Variants in HSPA4 observed in about 807,000 individuals in gnomAD.
The protein encoded by HSPA4 is heat shock protein family A (Hsp70) member 4.
In HSPA4, 25 loss-of-function variants were observed where a neutral mutation model predicts 106.2. The ratio of observed to expected loss-of-function variants is 0.24; its 90% CI spans 0.17 to 0.33. HSPA4 has a LOEUF of 0.33. HSPA4 is among the 10% of genes least tolerant of loss of function. The probability of loss-of-function intolerance (pLI) is 1.00; values close to 1 mark genes in which losing one functional copy is unlikely to be tolerated. For missense variants in HSPA4, 841 were observed against 996.0 expected (o/e 0.84, Z 2.10); for synonymous variants, 332 against 333.6 (o/e 1.00, Z 0.05).
chr5:133,062,496 A>G (rs1045368577), intron 1 of HSPA4, among the ~76,000 whole-genome samples: 16 of 152,118 alleles, frequency 1.1e-4, no homozygotes, highest in African/African-American at 3.9e-4. Flanking sequence ...AGTGGGTAAG[A>G]TTGCCTTGGG....
intron 17 of HSPA4, 43 bp downstream of exon 17, chr5:133,101,921 C>CTTT (rs60177569): frequency 2.0e-3 from 1,432 of 717,454 alleles, no homozygotes; most frequent in Admixed American, 2.5e-3. Context: ...GTAAAGTTAA[C>CTTT]TTTTTTTTTT....
chr5:133,103,991 G>A lies in HSPA4; in HGVS notation c.2284G>A (p.Val762Ile). ...QNKQSLTMDP[V>I]VKSKEIEAKI... ...CAAGCAGAGTTTGACCATGGATCCA[G>A]TTGTCAAGTCAAAAGAGATTGAAGC... Residue 762 changes from valine (V) to isoleucine (I), a missense_variant, in exon 18 of 19, where the codon GTT (valine) becomes ATT (isoleucine). This residue lies in a region of HSPA4 where 328 missense variants were observed against 372.2 expected (regional missense o/e 0.88). Coordinates refer to ENST00000304858, the MANE Select transcript of HSPA4 (RefSeq NM_002154.4). 1.2e-6 allele frequency: 2 copies of A among 1,613,600 alleles called. No homozygotes were observed. Among genetic ancestry groups the A allele is most frequent in the Non-Finnish European group, 1.7e-6 (2 of 1,179,896 alleles).
At chr5:133,060,840 G>C (rs1353716268) in intron 1 of HSPA4, among the ~76,000 whole-genome samples, 4 of 109,258 alleles carry the variant, frequency 3.7e-5, no homozygotes, top group Non-Finnish European at 6.9e-5. Flanking sequence ...TTTTTTTTGA[G>C]ACAAGGTCTC....
chr5:133,076,606 C>T (rs771432433), intron 6 of HSPA4, 48 bp from the exon 7 acceptor site: 99 of 1,551,266 alleles, frequency 6.4e-5, no homozygotes, highest in African/African-American at 1.8e-4. Flanking sequence ...TCATCTGTTT[C>T]AAAATCGATT....
At chr5:133,090,003 T>C (rs1231343873) in intron 11 of HSPA4, among the ~76,000 whole-genome samples, 1 of 152,240 alleles carries the variant, frequency 6.6e-6, no homozygotes, top group Non-Finnish European at 1.5e-5. Context: ...TGGCTGTTAT[T>C]TAATTGGATC....
chr5:133,104,454 A>G lies in HSPA4; in HGVS notation c.*18A>G. The stretch of plus-strand genomic sequence containing the variant: ...TTGATTGATTCCAACACTTGTTTCT[A>G]TTAAAACAGACTATTATAAAGCTTT... On this transcript the variant is annotated 3_prime_UTR_variant, in exon 19 of 19. Transcript: ENST00000304858. The G allele has an allele frequency of 6.2e-7, 1 of 1,602,702 alleles. No homozygotes were observed. The highest frequency in any genetic ancestry group is 1.1e-5 in the South Asian group (1 of 90,656).
intron 1 of HSPA4, among the ~76,000 whole-genome samples, chr5:133,055,755 A>G (rs1765152458): frequency 6.6e-6 from 1 of 152,158 alleles, no homozygotes; most frequent in South Asian, 2.1e-4. Context: ...GAATACAGTG[A>G]GAGTATAGAA....
intron 16 of HSPA4, 176 bp from the exon 17 acceptor site, chr5:133,101,583 G>A: frequency 1.7e-6 from 1 of 572,412 alleles, no homozygotes; most frequent in Non-Finnish European, 3.0e-6. Flanking sequence ...TCAGTGTTGA[G>A]GTATAGTTTC....
chr5:133,093,382 G>C (rs1765673626), intron 13 of HSPA4, among the ~76,000 whole-genome samples: 1 of 152,078 alleles, frequency 6.6e-6, no homozygotes, highest in African/African-American at 2.4e-5. Context: ...GCTAGTTTCT[G>C]AATGGCTTAT....
intron 1 of HSPA4, among the ~76,000 whole-genome samples, chr5:133,056,566 C>T (rs905567928): frequency 1.2e-4 from 18 of 152,190 alleles, no homozygotes; most frequent in Admixed American, 3.9e-4. Context: ...CCACCGCGCC[C>T]GGCCTGTAAA....
intron 16 of HSPA4, among the ~76,000 whole-genome samples, chr5:133,100,521 C>G (rs1199755964): frequency 6.6e-6 from 1 of 152,126 alleles, no homozygotes; most frequent in Non-Finnish European, 1.5e-5. Flanking sequence ...CTCAGCCTCC[C>G]AAGCGCGGTG....
chr5:133,087,722 A>G (rs1227639727), intron 8 of HSPA4, among the ~76,000 whole-genome samples: 1 of 152,044 alleles, frequency 6.6e-6, no homozygotes, highest in Non-Finnish European at 1.5e-5. Context: ...CTCCTGGGTT[A>G]AAGCAATTCT....
At chr5:133,054,550 G>A (rs1346567589) in intron 1 of HSPA4, among the ~76,000 whole-genome samples, 2 of 152,190 alleles carry the variant, frequency 1.3e-5, no homozygotes. Flanking sequence ...TTAACCAGAT[G>A]AAGTGATCGT....
chr5:133,077,140 A>G (rs887115978), intron 7 of HSPA4, among the ~76,000 whole-genome samples: 3 of 152,188 alleles, frequency 2.0e-5, no homozygotes, highest in Non-Finnish European at 4.4e-5. Context: ...TTCTTTACAT[A>G]TGCATTTGTT....
chr5:133,089,387 T>C (rs1172821696), intron 10 of HSPA4, among the ~76,000 whole-genome samples, 175 bp from the exon 11 acceptor site: 1 of 152,186 alleles, frequency 6.6e-6, no homozygotes, highest in African/African-American at 2.4e-5. Flanking sequence ...TGACGTATAT[T>C]CCTTTTTTAC....
chr5:133,072,823 C>T (rs1285707185), intron 4 of HSPA4, among the ~76,000 whole-genome samples: 2 of 152,182 alleles, frequency 1.3e-5, no homozygotes, highest in Non-Finnish European at 1.5e-5. Context: ...TTTATATAAA[C>T]AGTTTAGGTA....
chr5:133,068,677 G>A (rs1452403015), intron 3 of HSPA4, among the ~76,000 whole-genome samples: 1 of 152,160 alleles, frequency 6.6e-6, no homozygotes, highest in Non-Finnish European at 1.5e-5. Flanking sequence ...CAGTTTGAAT[G>A]GGATAGTAAA....
At chr5:133,053,902 C>G (rs1321087748) in intron 1 of HSPA4, among the ~76,000 whole-genome samples, 1 of 151,920 alleles carries the variant, frequency 6.6e-6, no homozygotes, top group African/African-American at 2.4e-5. Flanking sequence ...TCAAGTGATC[C>G]TCCCGCCTCG....
intron 8 of HSPA4, among the ~76,000 whole-genome samples, chr5:133,087,272 TA>T (rs1237062083): frequency 8.5e-5 from 13 of 152,356 alleles, no homozygotes; most frequent in Non-Finnish European, 8.8e-5. Context: ...TGTCTCAGGC[TA>T]AAAGGTGACT....
Sources: gnomAD v4.1 joint callset for allele counts (sites outside exome capture counted in the v4.1 genomes callset) on GRCh38, gnomAD v4.1.1 for gene constraint, gnomAD v4.1.1 regional missense constraint, MANE v1.5 for transcripts, NCBI Gene and HGNC (gene_info 2026-07-23, HGNC 2026-07-21) for gene names.